ZNF93: variants seen among roughly 807,000 people sequenced by gnomAD.
ZNF93 encodes the protein zinc finger protein 93, also known as zinc finger protein 505.
A neutral mutation model predicts 45.0 loss-of-function variants in ZNF93; 29 were observed. That is an observed-to-expected ratio of 0.64 (90% CI 0.48 to 0.88). The LOEUF is 0.88. Among genes scored for constraint, ZNF93 ranks in the 40% least tolerant of loss-of-function variants. The probability of loss-of-function intolerance (pLI) is 0.00; values close to 1 mark genes in which losing one functional copy is unlikely to be tolerated. For synonymous variants in ZNF93, 223 were observed against 244.6 expected (o/e 0.91, Z 0.82); for missense variants, 578 against 724.0 (o/e 0.80, Z 2.31).
intron 3 of ZNF93, among the ~76,000 whole-genome samples, chr19:19,929,375 G>A (rs1049957076): frequency 6.6e-6 from 1 of 152,064 alleles, no homozygotes; most frequent in Non-Finnish European, 1.5e-5. Context: ...TGTTGTCTAA[G>A]TTTTTTGGTT....
intron 3 of ZNF93, among the ~76,000 whole-genome samples, chr19:19,924,854 G>A (rs1261242969): frequency 6.6e-6 from 1 of 152,162 alleles, no homozygotes; most frequent in East Asian, 1.9e-4. Flanking sequence ...GCCTCCCAAA[G>A]TGCTGGAATT....
intron 1 of ZNF93, among the ~76,000 whole-genome samples, chr19:19,914,021 A>G (rs2063316926): frequency 2.1e-5 from 3 of 140,146 alleles, no homozygotes; most frequent in Admixed American, 2.1e-4. Context: ...TCTTTTTTAT[A>G]TCCCACAGAC....
At chr19:19,910,849 A>C (rs928775103) in intron 1 of ZNF93, among the ~76,000 whole-genome samples, 6 of 152,168 alleles carry the variant, frequency 3.9e-5, no homozygotes, top group Admixed American at 2.6e-4. Context: ...TGGATTGAGA[A>C]TGTACAGAAA....
At chr19:19,902,884 C>T (rs1488769752) in intron 1 of ZNF93, among the ~76,000 whole-genome samples, 14 of 151,856 alleles carry the variant, frequency 9.2e-5, no homozygotes, top group Admixed American at 3.9e-4. Context: ...CTACAGGCAC[C>T]CACCACCACG....
chr19:19,915,501 A>G, intron 2 of ZNF93, 95 bp downstream of exon 2: 1 of 1,468,164 alleles, frequency 6.8e-7, no homozygotes, highest in South Asian at 1.4e-5. Context: ...TCTTTGCATA[A>G]AGGAGTTTCA....
At chr19:19,915,074 G>T (rs1365267605) in intron 1 of ZNF93, among the ~76,000 whole-genome samples, 2 of 152,024 alleles carry the variant, frequency 1.3e-5, no homozygotes, top group African/African-American at 2.4e-5. Context: ...TATCATATAT[G>T]AACTGATGTT....
intron 3 of ZNF93, among the ~76,000 whole-genome samples, chr19:19,927,559 G>C (rs993015015): frequency 6.6e-5 from 10 of 151,954 alleles, no homozygotes; most frequent in African/African-American, 1.9e-4. Context: ...TCTCATAAGT[G>C]GAATCATACA....
chr19:19,922,125 G>T (rs1445686908), intron 3 of ZNF93, among the ~76,000 whole-genome samples: 20 of 152,256 alleles, frequency 1.3e-4, no homozygotes, highest in South Asian at 2.1e-4. Flanking sequence ...AGGAGCTCTT[G>T]TAGAGCAGGC....
chr19:19,913,830 A>C (rs2122172183), intron 1 of ZNF93, among the ~76,000 whole-genome samples: 1 of 152,274 alleles, frequency 6.6e-6, no homozygotes, highest in Non-Finnish European at 1.5e-5. Context: ...GAAAGAAAAA[A>C]AAATGGCTTT....
At chr19:19,901,985 G>C (rs2122156313) in intron 1 of ZNF93, among the ~76,000 whole-genome samples, 2 of 152,242 alleles carry the variant, frequency 1.3e-5, no homozygotes, top group Middle Eastern at 6.8e-3. Context: ...AGCTACTTGG[G>C]AGGCTGACGC....
At chr19:19,901,485 A>T (rs937900320) in intron 1 of ZNF93, among the ~76,000 whole-genome samples, 1 of 152,124 alleles carries the variant, frequency 6.6e-6, no homozygotes. Context: ...CCTATTAAAA[A>T]TTTATGGGGC....
In ZNF93 at chr19:19,915,422, A is replaced by G. The variant is rs1289831110; in HGVS notation, c.130+16A>G. 3 of 1,609,502 alleles carry G rather than the reference A, an allele frequency of 1.9e-6. No homozygotes were observed. The highest frequency in any genetic ancestry group is 2.5e-6 in the Non-Finnish European group (3 of 1,178,526). On this transcript the variant is annotated intron_variant, in intron 2 of 3. Transcript: ENST00000343769. ...GTCTTCCTTGGTGAGGATAACTTTA[A>G]TACATAATTCATAATACACCCTAAA...
intron 1 of ZNF93, among the ~76,000 whole-genome samples, chr19:19,903,674 G>T (rs186705527): frequency 3.3e-4 from 50 of 152,254 alleles, no homozygotes; most frequent in Non-Finnish European, 5.4e-4. Flanking sequence ...GCTGAGGCAG[G>T]AGAATCGCTA....
At chr19:19,928,691 C>G (rs988061082) in intron 3 of ZNF93, among the ~76,000 whole-genome samples, 1 of 152,078 alleles carries the variant, frequency 6.6e-6, no homozygotes, top group African/African-American at 2.4e-5. Flanking sequence ...CCATGTAAGG[C>G]TAATTGTTTG....
chr19:19,906,363 G>A (rs1417839623), intron 1 of ZNF93, among the ~76,000 whole-genome samples: 1 of 151,932 alleles, frequency 6.6e-6, no homozygotes, highest in Non-Finnish European at 1.5e-5. Context: ...GGTTATTTTT[G>A]CCTACTTTTT....
chr19:19,908,741 G>A (rs1437993726), intron 1 of ZNF93: 1 of 150,534 alleles, frequency 6.6e-6, no homozygotes, highest in East Asian at 2.0e-4. Flanking sequence ...TACTCCAGAG[G>A]CTGAGGCAGG....
intron 3 of ZNF93, among the ~76,000 whole-genome samples, chr19:19,919,098 A>T (rs1460545893): frequency 1.3e-5 from 2 of 152,210 alleles, no homozygotes; most frequent in Non-Finnish European, 2.9e-5. Flanking sequence ...CTAACATTTA[A>T]GTCTTTAATC....
chr19:19,906,026 G>T (rs1303823543), intron 1 of ZNF93, among the ~76,000 whole-genome samples: 1 of 152,130 alleles, frequency 6.6e-6, no homozygotes, highest in Non-Finnish European at 1.5e-5. Flanking sequence ...TATTTCTTCG[G>T]CCTGACAGGG....
chr19:19,934,923 G>A lies in ZNF93; in HGVS notation c.*105G>A, dbSNP rs2063388574. 7.8e-7 allele frequency: 1 copy of A among 1,274,004 alleles called. No individual in the cohort carries two copies. Among genetic ancestry groups the A allele is most frequent in the East Asian group, 2.4e-5 (1 of 41,850 alleles). 78.9% of individuals were successfully genotyped at this position (1,274,004 alleles called of 1,614,324 possible). A position where few individuals can be genotyped will look rare whatever the true frequency, so the allele number is the denominator to read the frequency against. On this transcript the variant is annotated 3_prime_UTR_variant, in exon 4 of 4. Coordinates refer to ENST00000343769, the MANE Select transcript of ZNF93 (RefSeq NM_031218.4). The stretch of plus-strand genomic sequence containing the variant: ...CCATCCCAAACTCCTCCCAGGCACA[G>A]TCTGGCAGAGGTCCTGCCATTTCGG...
Sources: allele counts gnomAD v4.1 joint callset (sites outside exome capture counted in the v4.1 genomes callset), GRCh38; gene constraint gnomAD v4.1.1; transcripts MANE v1.5; gene names NCBI Gene and HGNC (gene_info 2026-07-23, HGNC 2026-07-21).